The following RTN4 variants were observed in gnomAD, a reference collection of about 807,000 sequenced individuals.
RTN4 encodes the protein reticulon-4.
RTN4 carries 32 observed loss-of-function variants against 90.4 expected under a neutral mutation model. That is an observed-to-expected ratio of 0.35 (90% CI 0.27 to 0.48). The LOEUF (loss-of-function observed/expected upper bound fraction) is 0.48. Among genes scored for constraint, RTN4 ranks in the 20% least tolerant of loss-of-function variants. RTN4 has a pLI of 0.99. For synonymous variants in RTN4, 629 were observed against 552.5 expected, an observed-to-expected ratio of 1.14 and a Z score of -1.94; for missense variants, 1,706 against 1,430.2, an observed-to-expected ratio of 1.19 and a Z score of -3.11.
chr2:55,039,811 T>G (rs1193134077), intron 1 of RTN4, among the ~76,000 whole-genome samples: 4 of 152,216 alleles, frequency 2.6e-5, no homozygotes, highest in Non-Finnish European at 5.9e-5. Flanking sequence ...GAACATTAGC[T>G]GGATGCTTGA....
In RTN4 at chr2:55,027,450, T is replaced by C. The variant is rs745556473; in HGVS notation, c.649A>G (p.Ile217Val). 4 of 1,611,864 alleles carry C rather than the reference T, an allele frequency of 2.5e-6. No homozygotes were observed. The highest frequency in any genetic ancestry group is 2.2e-5 in the East Asian group (1 of 44,862). Residue 217 changes from isoleucine to valine, a missense_variant, in exon 3 of 9, where the codon ATT becomes GTT. Ile to Val is a conservative substitution (Grantham distance 29). Transcript: ENST00000337526. ...MDLKEQPGNT[I>V]SAGQEDFPSV... ...GGGAAATCCTCTTGACCAGCCGAAA[T>C]AGTGTTACCTGGCTGCTCCTTCAAG... is the stretch of plus-strand genomic sequence containing the variant.
At chr2:54,974,434 C>A (rs1028418488) in intron 6 of RTN4, among the ~76,000 whole-genome samples, 1 of 152,180 alleles carries the variant, frequency 6.6e-6, no homozygotes, top group Non-Finnish European at 1.5e-5. Context: ...CGTGCGCCAC[C>A]ACGCCCAGCT....
At chr2:55,053,883 CA>C (rs1408717358), upstream of RTN4, among the ~76,000 whole-genome samples, 14 of 152,050 alleles carry the variant, frequency 9.2e-5, no homozygotes, top group Non-Finnish European at 5.9e-5. Context: ...CTTCCATTAT[CA>C]TGGTCTCACT....
the RTN4 span, among the ~76,000 whole-genome samples, chr2:55,131,782 G>A: frequency 6.6e-6 from 1 of 152,144 alleles, no homozygotes; most frequent in Non-Finnish European, 1.5e-5. Context: ...TACTTGGGAA[G>A]CTGAGGCAGG....
upstream of RTN4, among the ~76,000 whole-genome samples, chr2:55,055,356 CTT>C (rs1167093102): frequency 1.3e-5 from 2 of 151,964 alleles, no homozygotes; most frequent in African/African-American, 4.8e-5. Flanking sequence ...TAATATATAA[CTT>C]ATTATTTTTA....
intron 3 of RTN4, among the ~76,000 whole-genome samples, chr2:55,000,687 G>A (rs776846199): frequency 1.3e-5 from 2 of 152,106 alleles, no homozygotes; most frequent in African/African-American, 4.8e-5. Context: ...ATTGTGTAGG[G>A]TTACAAACTG....
At chr2:55,093,701 T>C (rs1356419910) in intron 1 of RTN4, among the ~76,000 whole-genome samples, 1 of 151,888 alleles carries the variant, frequency 6.6e-6, no homozygotes, top group Non-Finnish European at 1.5e-5. Flanking sequence ...AGAAGAGAAA[T>C]TGGTAAGAGG....
At chr2:55,060,956 A>G (rs984070586) in intron 2 of RTN4, among the ~76,000 whole-genome samples, 1 of 152,102 alleles carries the variant, frequency 6.6e-6, no homozygotes, top group Non-Finnish European at 1.5e-5. Context: ...CCTAGTATCC[A>G]TTATCCTATT....
intron 1 of RTN4, among the ~76,000 whole-genome samples, chr2:55,107,428 A>C (rs1667962821): frequency 6.6e-6 from 1 of 150,628 alleles, no homozygotes; most frequent in Non-Finnish European, 1.5e-5. Flanking sequence ...AAAAAAGGAA[A>C]GAAAGAAAGG....
intron 3 of RTN4, among the ~76,000 whole-genome samples, chr2:54,989,998 C>T (rs17046564): frequency 0.031 from 4,744 of 152,172 alleles, 248 homozygotes; most frequent in African/African-American, 0.11. Flanking sequence ...TACCCTACAA[C>T]GGTGACTTAA....
At chr2:54,989,372 C>T (rs547374143) in intron 3 of RTN4, among the ~76,000 whole-genome samples, 13 of 152,316 alleles carry the variant, frequency 8.5e-5, no homozygotes, top group Non-Finnish European at 1.5e-4. Context: ...TATTCCCAAA[C>T]TTGTTTGTTA....
At position 55,026,010 on chromosome 2, in the gene RTN4, T is replaced by C. The variant is rs201019792; in HGVS notation, c.2089A>G (p.Ile697Val). 9 of 1,612,776 alleles carry C rather than the reference T, an allele frequency of 5.6e-6. No individual in the cohort carries two copies. Among genetic ancestry groups the C allele is most frequent in the Admixed American group, 1.7e-5 (1 of 59,888 alleles). Reference protein sequence around the residue: ...LQETEAPYISIACDLIKETKL... With the variant: ...LQETEAPYISVACDLIKETKL... ...GTTTCTTTAATTAAATCACATGCAA[T>C]AGATATATAAGGAGCTTCTGTTTCT... Residue 697 changes from isoleucine to valine, a missense_variant, in exon 3 of 9, where the codon ATT becomes GTT. Transcript: ENST00000337526.
In RTN4 at chr2:55,060,249, G is replaced by A. The variant is rs973058712; in HGVS notation, c.-63+20240C>T. ...ATGCCCTGGACTTTAAAAGGAATGG[G>A]CATGGGGCAATACAGTTAACAATAG... On this transcript the variant is annotated intron_variant, in intron 2 of 3. Transcript: ENST00000427710. Among the ~76,000 whole-genome samples, 5 of 152,300 alleles carry A rather than the reference G, an allele frequency of 3.3e-5. No individual in the cohort carries two copies. The South Asian group carries it at 8.3e-4, about 25-fold the overall frequency.
At chr2:55,076,439 G>A (rs1310571644) in intron 2 of RTN4, among the ~76,000 whole-genome samples, 5 of 111,538 alleles carry the variant, frequency 4.5e-5, no homozygotes, top group Admixed American at 4.2e-4. Flanking sequence ...TCACTCTGTC[G>A]CCCAGGCTGG....
intron 7 of RTN4, 27 bp downstream of exon 7, chr2:54,973,794 G>GA: frequency 6.2e-7 from 1 of 1,604,752 alleles, no homozygotes; most frequent in Non-Finnish European, 8.5e-7. Context: ...GCTCTATTCT[G>GA]AAGTCAGCAG....
intron 2 of RTN4, among the ~76,000 whole-genome samples, chr2:55,078,384 A>G (rs912207598): frequency 6.6e-6 from 1 of 152,170 alleles, no homozygotes; most frequent in Admixed American, 6.5e-5. Context: ...TTCTACAGAC[A>G]TGTGCCAACA....
chr2:55,053,775 A>G (rs1668142270), upstream of RTN4, among the ~76,000 whole-genome samples: 2 of 152,222 alleles, frequency 1.3e-5, no homozygotes, highest in African/African-American at 2.4e-5. Context: ...ACTGGTTAGT[A>G]GCTGTTCTCT....
At position 55,028,193 on chromosome 2, in the gene RTN4, G is replaced by T. The variant is rs1453307862; in HGVS notation, c.584C>A (p.Ala195Glu). The T allele has an allele frequency of 1.2e-6, 2 of 1,612,912 alleles. No individual in the cohort carries two copies. Among genetic ancestry groups the T allele is most frequent in the Non-Finnish European group, 1.7e-6 (2 of 1,179,434 alleles). Residue 195 changes from alanine (A) to glutamate (E), a missense_variant, in exon 2 of 9, where the codon GCA (alanine) becomes GAA (glutamate). Ala to Glu is a moderately radical substitution (Grantham distance 107). Coordinates refer to ENST00000337526, the MANE Select transcript of RTN4 (RefSeq NM_020532.5). Reference protein sequence around the residue: ...VDETLFALPAASEPVIRSSAE... With the variant: ...VDETLFALPAESEPVIRSSAE... ...AGAGGAGCGTATCACAGGCTCAGAT[G>T]CAGCAGGAAGAGCAAAAAGGGTCTC...
chr2:55,108,759 A>G (rs1185882115), intron 1 of RTN4, among the ~76,000 whole-genome samples: 2 of 152,032 alleles, frequency 1.3e-5, no homozygotes, highest in Admixed American at 6.5e-5. Context: ...TTTTAATTAA[A>G]AACATTAATG....
Sources: allele counts gnomAD v4.1 joint callset (sites outside exome capture counted in the v4.1 genomes callset), GRCh38; gene constraint gnomAD v4.1.1; transcripts MANE v1.5; gene names NCBI Gene and HGNC (gene_info 2026-07-23, HGNC 2026-07-21).